ANK2: variants seen among roughly 807,000 people sequenced by gnomAD.
ANK2 encodes ankyrin 2, also known as ankyrin-2.
ANK2 carries 83 observed loss-of-function variants against 360.5 expected under a neutral mutation model. The observed-to-expected ratio is 0.23, with a 90% CI of 0.19 to 0.28. ANK2 has a LOEUF of 0.28. Ranked by LOEUF, ANK2 falls within the 10% of genes least tolerant of loss-of-function variation. ANK2 has a pLI of 1.00. For missense variants in ANK2, 4,201 were observed against 4,795.7 expected, an observed-to-expected ratio of 0.88 and a Z score of 3.66; for synonymous variants, 1,740 against 1,759.5, an observed-to-expected ratio of 0.99 and a Z score of 0.28.
intron 5 of ANK2, among the ~76,000 whole-genome samples, chr4:113,236,224 T>C (rs1424291555): frequency 6.6e-6 from 1 of 152,164 alleles, no homozygotes; most frequent in Non-Finnish European, 1.5e-5. Context: ...TGAATTCTTG[T>C]TTCTAGAAAG....
At chr4:113,112,419 T>C (rs1289548711) in intron 1 of ANK2, among the ~76,000 whole-genome samples, 1 of 152,160 alleles carries the variant, frequency 6.6e-6, no homozygotes, top group Non-Finnish European at 1.5e-5. Context: ...GTTGGGAGGA[T>C]GCAGGGGGAG....
intron 1 of ANK2, among the ~76,000 whole-genome samples, chr4:112,892,861 A>G (rs1179012960): frequency 2.6e-5 from 4 of 152,196 alleles, no homozygotes; most frequent in Non-Finnish European, 4.4e-5. Context: ...TGCAAAACCA[A>G]TCGAACTCCA....
At position 112,860,313 on chromosome 4, in the gene ANK2, G is replaced by A. The variant is rs190579582; in HGVS notation, c.-40+42049G>A. ...GTGATCTTGGCTCACTGCAACCTCC[G>A]CCTCCCGGGTTCAAGCGATTCTTCT... On this transcript the variant is annotated intron_variant, in intron 1 of 30. Coordinates refer to the ANK2 transcript ENST00000503271. 2.1e-3 allele frequency among the ~76,000 whole-genome samples: 322 copies of A among 151,924 alleles called. 1 individual carries two copies. The highest frequency in any genetic ancestry group is 7.4e-3 in the African/African-American group (305 of 41,440).
chr4:113,263,540 G>A (rs997799314), intron 13 of ANK2, among the ~76,000 whole-genome samples: 2 of 152,078 alleles, frequency 1.3e-5, no homozygotes, highest in African/African-American at 4.8e-5. Flanking sequence ...AAAGAAATGG[G>A]TCTCCAAAAT....
chr4:112,770,875 C>T, the ANK2 span, among the ~76,000 whole-genome samples: 1 of 152,150 alleles, frequency 6.6e-6, no homozygotes, highest in Non-Finnish European at 1.5e-5. Flanking sequence ...GATAGTCTTG[C>T]GACTGCAGTT....
At chr4:112,888,839 G>T (rs946949812) in intron 1 of ANK2, among the ~76,000 whole-genome samples, 5 of 152,178 alleles carry the variant, frequency 3.3e-5, no homozygotes, top group Admixed American at 2.6e-4. Flanking sequence ...AGCTGTCCTT[G>T]TTGTGGTACC....
At chr4:113,287,145 C>T (rs1247683496) in intron 18 of ANK2, among the ~76,000 whole-genome samples, 3 of 152,168 alleles carry the variant, frequency 2.0e-5, no homozygotes, top group African/African-American at 7.2e-5. Flanking sequence ...TTTTTCTGAA[C>T]TCATTTCCTG....
chr4:113,212,626 A>G (rs549391127), intron 4 of ANK2, among the ~76,000 whole-genome samples: 1 of 152,182 alleles, frequency 6.6e-6, no homozygotes. Flanking sequence ...CTTTCTACTC[A>G]TGTAACTCAT....
chr4:113,014,920 G>A (rs961110658), intron 2 of ANK2, among the ~76,000 whole-genome samples: 1 of 132,538 alleles, frequency 7.5e-6, no homozygotes, highest in Non-Finnish European at 1.5e-5. Flanking sequence ...GTGCAGTGGC[G>A]CGATCTCGGC....
chr4:113,225,892 T>C (rs1036655595), intron 4 of ANK2, among the ~76,000 whole-genome samples: 1 of 152,214 alleles, frequency 6.6e-6, no homozygotes, highest in Non-Finnish European at 1.5e-5. Context: ...TAGGAAGATA[T>C]TTTTGTAATA....
At chr4:113,261,791 A>T (rs2053063449) in intron 13 of ANK2, among the ~76,000 whole-genome samples, 1 of 152,198 alleles carries the variant, frequency 6.6e-6, no homozygotes, top group African/African-American at 2.4e-5. Flanking sequence ...TGTAAAACCC[A>T]TAAAAAAAAC....
At chr4:113,203,797 A>G (rs1257360867) in intron 4 of ANK2, among the ~76,000 whole-genome samples, 1 of 152,158 alleles carries the variant, frequency 6.6e-6, no homozygotes, top group Non-Finnish European at 1.5e-5. Context: ...CTTCATCCCC[A>G]GGCAATATTG....
intron 2 of ANK2, among the ~76,000 whole-genome samples, chr4:112,995,536 T>C (rs922812006): frequency 6.6e-6 from 1 of 152,212 alleles, no homozygotes; most frequent in African/African-American, 2.4e-5. Flanking sequence ...TCTCCCATTC[T>C]GTAGGTTGTC....
intron 2 of ANK2, among the ~76,000 whole-genome samples, chr4:113,188,991 T>C (rs938735145): frequency 3.9e-5 from 6 of 152,206 alleles, no homozygotes; most frequent in African/African-American, 1.4e-4. Flanking sequence ...GAAGTGCACC[T>C]TTTTTGTGCC....
At chr4:113,241,989 G>A (rs2040195158) in intron 8 of ANK2, 122 bp from the exon 9 acceptor site, 2 of 766,800 alleles carry the variant, frequency 2.6e-6, no homozygotes, top group South Asian at 1.5e-5. Context: ...CATAGAAAGA[G>A]TAGAAACTGT....
intron 2 of ANK2, among the ~76,000 whole-genome samples, chr4:113,193,466 G>A (rs2098702370): frequency 6.6e-6 from 1 of 152,190 alleles, no homozygotes; most frequent in Non-Finnish European, 1.5e-5. Context: ...GAAGAGAAGG[G>A]AAAAGTGCAG....
At chr4:112,972,839 A>G (rs771299224) in intron 2 of ANK2, among the ~76,000 whole-genome samples, 2 of 152,196 alleles carry the variant, frequency 1.3e-5, no homozygotes, top group Non-Finnish European at 2.9e-5. Context: ...CTACTCAGCC[A>G]TAAAAATAAA....
chr4:113,312,265 T>C (rs1466700569), intron 24 of ANK2, among the ~76,000 whole-genome samples: 1 of 149,932 alleles, frequency 6.7e-6, no homozygotes, highest in East Asian at 2.0e-4. Context: ...AGCAAGACAC[T>C]GTCTCTTGAG....
At chr4:113,017,479 G>T (rs1412385252) in intron 2 of ANK2, among the ~76,000 whole-genome samples, 1 of 152,102 alleles carries the variant, frequency 6.6e-6, no homozygotes, top group Non-Finnish European at 1.5e-5. Context: ...TCATAAATAG[G>T]AAAAGCTAAA....
Sources: gnomAD v4.1 joint callset for allele counts (sites outside exome capture counted in the v4.1 genomes callset) on GRCh38, gnomAD v4.1.1 for gene constraint, MANE v1.5 for transcripts, NCBI Gene and HGNC (gene_info 2026-07-23, HGNC 2026-07-21) for gene names.